Variants in IL17RD observed in about 807,000 individuals in gnomAD.
IL17RD encodes interleukin-17 receptor D.
A neutral mutation model predicts 80.5 loss-of-function variants in IL17RD; 52 were observed. That is an observed-to-expected ratio of 0.65 (90% CI 0.52 to 0.81). The LOEUF is 0.81. IL17RD is among the 40% of genes least tolerant of loss of function. The pLI is 0.00. For synonymous variants in IL17RD, 416 were observed against 391.8 expected (o/e 1.06, Z -0.73); for missense variants, 1,024 against 955.1 (o/e 1.07, Z -0.95).
intron 1 of IL17RD, among the ~76,000 whole-genome samples, chr3:57,163,789 G>C (rs1402100730): frequency 3.8e-5 from 4 of 105,774 alleles, no homozygotes; most frequent in African/African-American, 1.8e-4. Flanking sequence ...ATGGGGCGGG[G>C]GGGCGGGGGG....
intron 7 of IL17RD, 39 bp from the exon 8 acceptor site, chr3:57,104,446 T>C: frequency 7.1e-7 from 1 of 1,405,152 alleles, no homozygotes; most frequent in Non-Finnish European, 1.0e-6. Context: ...ACTCACTTCT[T>C]GGGCAAAGGT....
chr3:57,109,338 G>A (rs1361382719), intron 5 of IL17RD, among the ~76,000 whole-genome samples, 199 bp downstream of exon 5: 7 of 151,988 alleles, frequency 4.6e-5, no homozygotes, highest in African/African-American at 1.7e-4. Context: ...AGAGAGACAG[G>A]GTTTCACCAT....
At chr3:57,106,562 T>C (rs1034947882) in intron 5 of IL17RD, among the ~76,000 whole-genome samples, 2 of 152,200 alleles carry the variant, frequency 1.3e-5, no homozygotes, top group Non-Finnish European at 2.9e-5. Flanking sequence ...CAAGAGAACT[T>C]TGGAGTGGTC....
intron 1 of IL17RD, among the ~76,000 whole-genome samples, chr3:57,148,301 G>GT (rs1707979068): frequency 2.0e-5 from 3 of 150,230 alleles, no homozygotes; most frequent in South Asian, 2.1e-4. Context: ...CTCCAGCCTG[G>GT]GCAACAGAGC....
chr3:57,127,116 C>T (rs1180489216), intron 1 of IL17RD, among the ~76,000 whole-genome samples: 2 of 147,358 alleles, frequency 1.4e-5, no homozygotes, highest in African/African-American at 5.0e-5. Flanking sequence ...TGAGCCACTG[C>T]ACCCGGCCGG....
chr3:57,155,544 A>G (rs1288128478), intron 1 of IL17RD, among the ~76,000 whole-genome samples: 2 of 152,242 alleles, frequency 1.3e-5, no homozygotes, highest in Non-Finnish European at 2.9e-5. Flanking sequence ...TGCTACTCTC[A>G]GCACTAACTG....
intron 1 of IL17RD, among the ~76,000 whole-genome samples, chr3:57,123,476 T>C (rs889441903): frequency 1.3e-5 from 2 of 152,182 alleles, no homozygotes; most frequent in African/African-American, 4.8e-5. Context: ...TCCTCTTCTC[T>C]TCCTATCACC....
intron 4 of IL17RD, among the ~76,000 whole-genome samples, 194 bp from the exon 5 acceptor site, chr3:57,109,851 C>T (rs773195740): frequency 1.3e-5 from 2 of 152,198 alleles, no homozygotes; most frequent in Non-Finnish European, 2.9e-5. Flanking sequence ...TGAAGATGGA[C>T]AATGCGGTCT....
At chr3:57,103,646 C>G (rs1706886953) in intron 8 of IL17RD, among the ~76,000 whole-genome samples, 1 of 152,110 alleles carries the variant, frequency 6.6e-6, no homozygotes, top group African/African-American at 2.4e-5. Flanking sequence ...TTTCCTTATA[C>G]TCTTATTATT....
chr3:57,102,467 A>G lies in IL17RD; in HGVS notation c.979+12T>C. On this transcript the variant is annotated intron_variant, in intron 10 of 12. Transcript: ENST00000296318. ...CCCTTGTTGTGGGGAGACACAGCACACAAAGAGATACCTTGTTGCTTCTTG... is the reference window on the plus strand; with the variant it reads ...CCCTTGTTGTGGGGAGACACAGCACGCAAAGAGATACCTTGTTGCTTCTTG... 1 of 1,479,376 alleles carries G rather than the reference A, an allele frequency of 6.8e-7. No homozygotes were observed. The highest frequency in any genetic ancestry group is 1.3e-5 in the South Asian group (1 of 79,052). The allele number at this position is 1,479,376 out of a possible 1,614,324, so 91.6% of individuals were successfully genotyped here. A position where few individuals can be genotyped will look rare whatever the true frequency, so the allele number is the denominator to read the frequency against.
chr3:57,114,692 CG>C lies in IL17RD; in HGVS notation c.309del (p.Gly104AlafsTer5). On this transcript the variant is annotated frameshift_variant and splice_region_variant, in exon 3 of 13. Transcript: ENST00000296318. LOFTEE classifies it high-confidence loss of function. ...ATGCACTCGATTTTTGACCACTCAC[CG>C]AGGGCCCCTGGGGACCAAAGAATGG... Reference protein sequence around the residue: ...AVTILWSPGALGIEFLKGFRV... With the variant: ...AVTILWSPGAXGIEFLKGFRV... 6.2e-7 allele frequency: 1 copy of C among 1,605,124 alleles called. No homozygotes were observed. Among genetic ancestry groups the C allele is most frequent in the Non-Finnish European group, 8.5e-7 (1 of 1,176,516 alleles).
chr3:57,165,124 G>T lies in IL17RD; in HGVS notation c.126+37C>A, dbSNP rs773593435. 3.3e-6 allele frequency: 5 copies of T among 1,495,564 alleles called. No individual in the cohort carries two copies. The African/African-American group carries it at 5.9e-5, about 17-fold the overall frequency. The allele number at this position is 1,495,564 out of a possible 1,614,324, so 92.6% of individuals were successfully genotyped here. A position where few individuals can be genotyped will look rare whatever the true frequency, so the allele number is the denominator to read the frequency against. On this transcript the variant is annotated intron_variant, in intron 1 of 12. Coordinates refer to ENST00000296318, the MANE Select transcript of IL17RD (RefSeq NM_017563.5). ...CCTGTGCGCGCTGCGTCCCCCGCGA[G>T]TTGGCGACGGCAAGAAACCCGCCGC...
At chr3:57,144,812 G>C (rs918523778) in intron 1 of IL17RD, among the ~76,000 whole-genome samples, 1 of 152,124 alleles carries the variant, frequency 6.6e-6, no homozygotes, top group Non-Finnish European at 1.5e-5. Flanking sequence ...GCTCAGCCAG[G>C]GTCCTTCTCC....
At chr3:57,138,404 G>A (rs1362956461) in intron 1 of IL17RD, among the ~76,000 whole-genome samples, 1 of 152,234 alleles carries the variant, frequency 6.6e-6, no homozygotes, top group East Asian at 1.9e-4. Flanking sequence ...GAGACTAGAG[G>A]GTGGAAGACT....
intron 10 of IL17RD, 148 bp downstream of exon 10, chr3:57,102,331 A>G: frequency 4.7e-6 from 2 of 422,686 alleles, no homozygotes; most frequent in Non-Finnish European, 4.3e-6. Context: ...AAAGCCAAAT[A>G]TTTTAATTCT....
In IL17RD at chr3:57,094,512, C is replaced by G. The variant is rs889514024; in HGVS notation, c.*1881G>C. The G allele has an allele frequency of 6.6e-6, 1 of 152,190 alleles. No homozygotes were observed. Among genetic ancestry groups the G allele is most frequent in the Non-Finnish European group, 1.5e-5 (1 of 68,064 alleles). The allele number at this position is 152,190 out of a possible 1,614,324, so 9.4% of individuals were successfully genotyped here. On this transcript the variant is annotated 3_prime_UTR_variant, in exon 13 of 13. Coordinates refer to ENST00000296318, the MANE Select transcript of IL17RD (RefSeq NM_017563.5). ...CTCCTCCCAGTCCTCCATTCTCTCC[C>G]TGGGGCCACTTTCTCAGAGATGCCT... is the stretch of plus-strand genomic sequence containing the variant.
At chr3:57,124,515 G>A (rs1239038442) in intron 1 of IL17RD, among the ~76,000 whole-genome samples, 1 of 97,546 alleles carries the variant, frequency 1.0e-5, no homozygotes, top group African/African-American at 3.5e-5. Context: ...TACTGGTTTT[G>A]TGGATGGAGG....
intron 1 of IL17RD, among the ~76,000 whole-genome samples, chr3:57,146,479 G>A (rs532778272): frequency 2.0e-5 from 3 of 152,212 alleles, no homozygotes; most frequent in South Asian, 4.2e-4. Flanking sequence ...GGCTGGGCGC[G>A]GTGGCTCATG....
intron 1 of IL17RD, among the ~76,000 whole-genome samples, chr3:57,123,417 G>A (rs1002302829): frequency 3.3e-5 from 5 of 152,184 alleles, no homozygotes; most frequent in Non-Finnish European, 7.3e-5. Flanking sequence ...GGGCACTGCA[G>A]TTCTGCTCGG....
Sources: gnomAD v4.1 joint callset for allele counts (sites outside exome capture counted in the v4.1 genomes callset) on GRCh38, gnomAD v4.1.1 for gene constraint, MANE v1.5 for transcripts, NCBI Gene and HGNC (gene_info 2026-07-23, HGNC 2026-07-21) for gene names.